TRAPPC11: variants seen among roughly 807,000 people sequenced by gnomAD.
TRAPPC11 encodes foie gras homolog.
TRAPPC11 carries 104 observed loss-of-function variants against 151.2 expected under a neutral mutation model. The observed-to-expected ratio is 0.69, with a 90% CI of 0.59 to 0.81. TRAPPC11 has a LOEUF of 0.81. Among genes scored for constraint, TRAPPC11 ranks in the 30% least tolerant of loss-of-function variants. The pLI is 0.00. For synonymous variants in TRAPPC11, 456 were observed against 472.3 expected (o/e 0.97, Z 0.45); for missense variants, 1,230 against 1,349.6 (o/e 0.91, Z 1.39).
chr4:183,662,518 G>A (rs536919957), intron 1 of TRAPPC11, among the ~76,000 whole-genome samples: 2 of 152,122 alleles, frequency 1.3e-5, no homozygotes, highest in East Asian at 1.9e-4. Context: ...GCTAAAGGAC[G>A]CAGTGGAAAC....
chr4:183,684,370 T>G lies in TRAPPC11; in HGVS notation c.1421+11T>G, dbSNP rs1270895263. 1 of 1,608,304 alleles carries G rather than the reference T, an allele frequency of 6.2e-7. No individual in the cohort carries two copies. The highest frequency in any genetic ancestry group is 8.5e-7 in the Non-Finnish European group (1 of 1,175,136). On this transcript the variant is annotated intron_variant, in intron 14 of 29. Transcript: ENST00000334690. ...TACCAAAGCTTTGAAGTGAGTCCTG[T>G]TCACTATTTACTTTTACAAGTATTT...
chr4:183,699,969 G>T, intron 25 of TRAPPC11, among the ~76,000 whole-genome samples: 1 of 151,994 alleles, frequency 6.6e-6, no homozygotes, highest in East Asian at 1.9e-4. Context: ...GGGACTACAG[G>T]CACCCACCAC....
intron 2 of TRAPPC11, among the ~76,000 whole-genome samples, chr4:183,664,844 C>G (rs887948986): frequency 6.6e-6 from 1 of 151,966 alleles, no homozygotes; most frequent in Non-Finnish European, 1.5e-5. Context: ...AGCAGTGTCT[C>G]TGACATAGTA....
At chr4:183,712,393 G>A (rs1044660818) in intron 29 of TRAPPC11, among the ~76,000 whole-genome samples, 17 of 152,162 alleles carry the variant, frequency 1.1e-4, no homozygotes, top group Admixed American at 1.0e-3. Context: ...AGCCTGTGCC[G>A]TGGCCATCCC....
chr4:183,684,950 A>G, intron 15 of TRAPPC11, 109 bp downstream of exon 15: 1 of 1,300,994 alleles, frequency 7.7e-7, no homozygotes, highest in Non-Finnish European at 1.1e-6. Flanking sequence ...AGTATACTTT[A>G]CTATGTGCAA....
chr4:183,691,323 A>G lies in TRAPPC11; in HGVS notation c.1901A>G (p.Asn634Ser), dbSNP rs148567547. 777 of 1,515,180 alleles carry G rather than the reference A, an allele frequency of 5.1e-4. No homozygotes were observed. The highest frequency in any genetic ancestry group is 6.7e-4 in the Non-Finnish European group (748 of 1,121,650). The allele number at this position is 1,515,180 out of a possible 1,614,324, so 93.9% of individuals were successfully genotyped here. Residue 634 changes from asparagine (N) to serine (S), a missense_variant, in exon 19 of 30, where the codon AAC (asparagine) becomes AGC (serine). By Grantham distance (46) the Asn-to-Ser change is conservative (BLOSUM62 1). Coordinates refer to ENST00000334690, the MANE Select transcript of TRAPPC11 (RefSeq NM_021942.6). ...CCTGTTCACCTTTTTCAGGAATACA[A>G]CCAGTTCTGTGTAATAGAAGAAGCA... ...LCVSFNNQEY[N>S]QFCVIEEASK...
chr4:183,666,177 C>A, intron 2 of TRAPPC11, 80 bp from the exon 3 acceptor site: 1 of 1,321,106 alleles, frequency 7.6e-7, no homozygotes, highest in South Asian at 1.4e-5. Context: ...GAGATCAATG[C>A]ACATAAAGTG....
At chr4:183,676,801 G>T (rs1735434713) in intron 7 of TRAPPC11, among the ~76,000 whole-genome samples, 1 of 152,116 alleles carries the variant, frequency 6.6e-6, no homozygotes, top group South Asian at 2.1e-4. Flanking sequence ...ATCTCCCTCT[G>T]TTACCTGGGC....
At chr4:183,707,045 G>A in intron 28 of TRAPPC11, 105 bp downstream of exon 28, 1 of 1,369,490 alleles carries the variant, frequency 7.3e-7, no homozygotes, top group Admixed American at 2.3e-5. Context: ...GCTGACTGTG[G>A]TCCCTGTTGT....
At chr4:183,707,645 C>G (rs1367539722) in intron 28 of TRAPPC11, among the ~76,000 whole-genome samples, 3 of 152,184 alleles carry the variant, frequency 2.0e-5, no homozygotes, top group African/African-American at 7.2e-5. Context: ...TCTATCCTGA[C>G]TAATTAACTG....
chr4:183,682,655 T>A (rs1369418681), intron 10 of TRAPPC11, 77 bp from the exon 11 acceptor site: 2 of 794,592 alleles, frequency 2.5e-6, no homozygotes. Context: ...ACTTTTTTGT[T>A]CAGTCAAAGG....
In TRAPPC11 at chr4:183,700,667, A is replaced by G. The variant is rs140706609; in HGVS notation, c.2852-1030A>G. 2.4e-3 allele frequency among the ~76,000 whole-genome samples: 367 copies of G among 152,306 alleles called. 1 individual carries two copies. The highest frequency in any genetic ancestry group is 8.4e-3 in the African/African-American group (348 of 41,574). On this transcript the variant is annotated intron_variant, in intron 25 of 29. Coordinates refer to ENST00000334690, the MANE Select transcript of TRAPPC11 (RefSeq NM_021942.6). ...CCATGTGAGGCAATAGTGAGGCGGTATGAGTGCTATTAGTAATACAGGCTG... is the reference window on the plus strand; with the variant it reads ...CCATGTGAGGCAATAGTGAGGCGGTGTGAGTGCTATTAGTAATACAGGCTG...
At position 183,706,735 on chromosome 4, in the gene TRAPPC11, C is replaced by G. The variant is rs190219598; in HGVS notation, c.3056-72C>G. Reference sequence around the variant, plus strand: ...GATACTATGTCCACAGAATGAGATTCATTTACAAAACGAAGCCATAAGTGG... The same window carrying G: ...GATACTATGTCCACAGAATGAGATTGATTTACAAAACGAAGCCATAAGTGG... On this transcript the variant is annotated intron_variant, in intron 27 of 29. Coordinates refer to ENST00000334690, the MANE Select transcript of TRAPPC11 (RefSeq NM_021942.6). 13 of 1,506,052 alleles carry G rather than the reference C, an allele frequency of 8.6e-6. No individual in the cohort carries two copies. In the Admixed American group the frequency reaches 9.5e-5, roughly 11 times the overall value. 93.3% of individuals were successfully genotyped at this position (1,506,052 alleles called of 1,614,324 possible).
chr4:183,668,433 C>T (rs1734990918), intron 5 of TRAPPC11, among the ~76,000 whole-genome samples: 1 of 152,180 alleles, frequency 6.6e-6, no homozygotes. Flanking sequence ...TCATATGATA[C>T]ACAGTGATCT....
At position 183,691,572 on chromosome 4, in the gene TRAPPC11, C is replaced by T. The variant is rs943854524; in HGVS notation, c.2049+101C>T. On this transcript the variant is annotated intron_variant, in intron 19 of 29. Coordinates refer to ENST00000334690, the MANE Select transcript of TRAPPC11 (RefSeq NM_021942.6). The stretch of plus-strand genomic sequence containing the variant: ...AGTTGATTAAGTAAAAAATGAAAAT[C>T]TGCTACTTGGACTTCCTAAAGGAAA... 9.7e-6 allele frequency: 7 copies of T among 724,012 alleles called. No homozygotes were observed. The South Asian group carries it at 2.7e-4, about 28-fold the overall frequency. The allele number at this position is 724,012 out of a possible 1,614,324, so 44.8% of individuals were successfully genotyped here.
chr4:183,665,201 T>C (rs996970604), intron 2 of TRAPPC11, among the ~76,000 whole-genome samples: 2 of 150,976 alleles, frequency 1.3e-5, no homozygotes, highest in Non-Finnish European at 2.9e-5. Flanking sequence ...TTCGTGCCAT[T>C]CTCCTGCTTC....
At chr4:183,689,291 G>A (rs1736134802) in intron 18 of TRAPPC11, among the ~76,000 whole-genome samples, 2 of 151,984 alleles carry the variant, frequency 1.3e-5, no homozygotes, top group African/African-American at 4.8e-5. Context: ...AGTGGGGATA[G>A]GATGAATGAA....
In TRAPPC11 at chr4:183,686,879, A is replaced by T. The variant is rs373483889; in HGVS notation, c.1893+131A>T. ...TAACAAATGAACTTTGGTAAGGTCT[A>T]TTCAAAAATATATCTCCAGGGCCGG... On this transcript the variant is annotated intron_variant, in intron 18 of 29. Coordinates refer to ENST00000334690, the MANE Select transcript of TRAPPC11 (RefSeq NM_021942.6). The T allele has an allele frequency of 2.7e-6, 3 of 1,093,098 alleles. No homozygotes were observed. In the East Asian group the frequency reaches 7.4e-5, roughly 27 times the overall value. The allele number at this position is 1,093,098 out of a possible 1,614,324, so 67.7% of individuals were successfully genotyped here.
intron 29 of TRAPPC11, among the ~76,000 whole-genome samples, chr4:183,710,605 A>G (rs1289198611): frequency 1.3e-5 from 2 of 151,888 alleles, no homozygotes; most frequent in African/African-American, 2.4e-5. Flanking sequence ...TAACATGACT[A>G]GCATGCCCTG....
Sources: gnomAD v4.1 joint callset for allele counts (sites outside exome capture counted in the v4.1 genomes callset) on GRCh38, gnomAD v4.1.1 for gene constraint, MANE v1.5 for transcripts, NCBI Gene and HGNC (gene_info 2026-07-23, HGNC 2026-07-21) for gene names.